Variants in GOLGA6D observed in about 807,000 individuals in gnomAD.
The protein encoded by GOLGA6D is golgin A6 family member D.
A neutral mutation model predicts 42.1 loss-of-function variants in GOLGA6D; 9 were observed. That is an observed-to-expected ratio of 0.21 (90% CI 0.13 to 0.37). The LOEUF (loss-of-function observed/expected upper bound fraction) is 0.37, where lower values mean the gene tolerates loss of function less well. Among genes scored for constraint, GOLGA6D ranks in the 10% least tolerant of loss-of-function variants. The pLI, the probability that GOLGA6D is intolerant of heterozygous loss-of-function variation, is 1.00. For missense variants in GOLGA6D, 87 were observed against 420.8 expected (o/e 0.21, Z 6.94); for synonymous variants, 39 against 167.3 (o/e 0.23, Z 5.92).
chr15:75,288,720 GGTGTGTGTGTGT>G lies in GOLGA6D; in HGVS notation c.564+377_564+388del, dbSNP rs59539121. ...ACCATTTCTGTAGAGAGAGGAAAGGGGTGTGTGTGTGTGTGTGTGTGTGTGTGTGTGTACTAT... is the reference window on the plus strand; with the variant it reads ...ACCATTTCTGTAGAGAGAGGAAAGGGGTGTGTGTGTGTGTGTGTGTACTAT... On this transcript the variant is annotated intron_variant, in intron 7 of 17. Transcript: ENST00000434739. Among the ~76,000 whole-genome samples, 5 of 116,172 alleles carry G rather than the reference GGTGTGTGTGTGT, an allele frequency of 4.3e-5. 1 individual carries two copies. The highest frequency in any genetic ancestry group is 1.4e-4 in the African/African-American group (4 of 28,962). 76.2% of individuals were successfully genotyped at this position (116,172 alleles called of 152,430 possible).
Position 75,294,372 on chromosome 15 carries a change from A to G in GOLGA6D, c.1979A>G (p.Asn660Ser), listed in dbSNP as rs775479930. Residue 660 changes from asparagine to serine, a missense_variant, in exon 18 of 18, where the codon AAC (asparagine) becomes AGC (serine). Transcript: ENST00000434739. ...GTTTTTTATGAAGTGAGCCTGGACA[A>G]CAACGTGGAGCCTGCACCAGGAGTG... is the stretch of plus-strand genomic sequence containing the variant. ...QDVFYEVSLD[N>S]NVEPAPGVAR... is the part of the protein sequence containing the mutation. The G allele has an allele frequency of 6.9e-6, 11 of 1,597,900 alleles. 2 individuals carry two copies. The highest frequency in any genetic ancestry group is 9.3e-6 in the Non-Finnish European group (11 of 1,177,784).
intron 2 of GOLGA6D, among the ~76,000 whole-genome samples, 181 bp downstream of exon 2, chr15:75,284,950 A>C (rs1421072548): frequency 7.2e-6 from 1 of 138,448 alleles, no homozygotes; most frequent in African/African-American, 3.0e-5. Flanking sequence ...CACATCTGTA[A>C]AATAGGGGTA....
chr15:75,277,727 T>G, the GOLGA6D span, among the ~76,000 whole-genome samples: 1 of 141,004 alleles, frequency 7.1e-6, no homozygotes, highest in South Asian at 2.2e-4. Context: ...GAGGCTGAGG[T>G]GGGAGGTCGA....
chr15:75,293,557 G>T (rs1423824241), intron 14 of GOLGA6D, among the ~76,000 whole-genome samples, 172 bp from the exon 15 acceptor site: 1 of 144,870 alleles, frequency 6.9e-6, no homozygotes, highest in Non-Finnish European at 1.5e-5. Flanking sequence ...AGAGGCAGAG[G>T]CCCCAGCCCC....
chr15:75,278,803 A>G (rs1287139604), upstream of GOLGA6D, among the ~76,000 whole-genome samples: 7 of 151,798 alleles, frequency 4.6e-5, no homozygotes, highest in African/African-American at 1.7e-4. Context: ...AGATGGTTGT[A>G]CTTGTCCACT....
At chr15:75,278,800 T>G (rs1406977276), upstream of GOLGA6D, among the ~76,000 whole-genome samples, 4 of 151,814 alleles carry the variant, frequency 2.6e-5, no homozygotes, top group Non-Finnish European at 5.9e-5. Flanking sequence ...CATAGATGGT[T>G]GTACTTGTCC....
At position 75,288,722 on chromosome 15, in the gene GOLGA6D, TG is replaced by T. The variant is rs1567171864; in HGVS notation, c.564+359del. Among the ~76,000 whole-genome samples the T allele has an allele frequency of 2.7e-4, 7 of 26,298 alleles. No homozygotes were observed. In the East Asian group the frequency reaches 6.3e-3, roughly 24 times the overall value. 17.3% of individuals were successfully genotyped at this position (26,298 alleles called of 152,430 possible). A position where few individuals can be genotyped will look rare whatever the true frequency, so the allele number is the denominator to read the frequency against. On this transcript the variant is annotated intron_variant, in intron 7 of 17. Transcript: ENST00000434739. The stretch of plus-strand genomic sequence containing the variant: ...CATTTCTGTAGAGAGAGGAAAGGGG[TG>T]TGTGTGTGTGTGTGTGTGTGTGTGT...
rs779936897 is a variant in GOLGA6D, at chr15:75,294,486, G to A, written c.*11G>A. 48 of 1,567,438 alleles carry A rather than the reference G, an allele frequency of 3.1e-5. 1 individual carries two copies. Among genetic ancestry groups the A allele is most frequent in the Non-Finnish European group, 3.6e-5 (42 of 1,164,076 alleles). On this transcript the variant is annotated 3_prime_UTR_variant, in exon 18 of 18. Transcript: ENST00000434739. ...ATGCAGGACACCTAGGAGCACCCAGGCTTGCCCAGCAAACCCTGCGTGCCA... is the reference window on the plus strand; with the variant it reads ...ATGCAGGACACCTAGGAGCACCCAGACTTGCCCAGCAAACCCTGCGTGCCA...
chr15:75,278,567 C>A (rs976674398), upstream of GOLGA6D, among the ~76,000 whole-genome samples: 1 of 151,384 alleles, frequency 6.6e-6, no homozygotes, highest in African/African-American at 2.5e-5. Context: ...ACAACATCCT[C>A]AACAGCTGGG....
upstream of GOLGA6D, among the ~76,000 whole-genome samples, chr15:75,278,196 AT>A (rs1235390282): frequency 4.0e-5 from 3 of 74,522 alleles, no homozygotes; most frequent in Admixed American, 1.9e-4. Flanking sequence ...CTGCCAGCAA[AT>A]TTTTTTCTTT....
upstream of GOLGA6D, among the ~76,000 whole-genome samples, chr15:75,278,765 G>A (rs2070836828): frequency 6.6e-6 from 1 of 151,860 alleles, no homozygotes; most frequent in African/African-American, 2.4e-5. Flanking sequence ...TCCAGTCTGG[G>A]GGAGGGAAAA....
the GOLGA6D span, among the ~76,000 whole-genome samples, chr15:75,276,387 C>G: frequency 6.6e-6 from 1 of 150,714 alleles, no homozygotes; most frequent in Non-Finnish European, 1.5e-5. Context: ...ACAGGCCATG[C>G]TAGCCCCAGG....
At chr15:75,276,138 G>A in the GOLGA6D span, among the ~76,000 whole-genome samples, 120 of 151,662 alleles carry the variant, frequency 7.9e-4, no homozygotes, top group African/African-American at 2.8e-3. Context: ...TGGGCTGGAG[G>A]TGTGTCTTGA....
chr15:75,293,672 TG>T, intron 14 of GOLGA6D, 56 bp from the exon 15 acceptor site: 2 of 1,120,448 alleles, frequency 1.8e-6, no homozygotes, highest in Non-Finnish European at 2.6e-6. Flanking sequence ...CCAAGAAAAG[TG>T]GGGGCGGGGC....
At chr15:75,277,791 C>A in the GOLGA6D span, among the ~76,000 whole-genome samples, 1 of 148,180 alleles carries the variant, frequency 6.7e-6, no homozygotes, top group Non-Finnish European at 1.5e-5. Flanking sequence ...GACAGAGTGA[C>A]ACCCTGTCTT....
At chr15:75,278,104 A>C (rs2070832796), upstream of GOLGA6D, among the ~76,000 whole-genome samples, 1 of 110,344 alleles carries the variant, frequency 9.1e-6, no homozygotes, top group Admixed American at 1.0e-4. Flanking sequence ...TCCTGAGATG[A>C]AGAGTTTCAC....
Position 75,294,251 on chromosome 15 carries a change from T to G in GOLGA6D, c.1944T>G (p.Gly648=). The change falls in exon 17 of 18, where the codon GGT becomes GGG. Residue 648 remains glycine (G), a synonymous_variant. Transcript: ENST00000434739. ...APAPQELGAA[G]EQDVFYEVSL... is the part of the protein sequence containing the mutation. ...CCCCCCAGGAACTTGGGGCTGCCGGTGAGCAGGATGGTGAGTAGAGCTCTC... is the reference window on the plus strand; with the variant it reads ...CCCCCCAGGAACTTGGGGCTGCCGGGGAGCAGGATGGTGAGTAGAGCTCTC... 1 of 1,446,404 alleles carries G rather than the reference T, an allele frequency of 6.9e-7. No individual in the cohort carries two copies. The highest frequency in any genetic ancestry group is 9.1e-7 in the Non-Finnish European group (1 of 1,093,260). The allele number at this position is 1,446,404 out of a possible 1,614,324, so 89.6% of individuals were successfully genotyped here.
upstream of GOLGA6D, among the ~76,000 whole-genome samples, chr15:75,278,742 A>G (rs1301301791): frequency 6.6e-6 from 1 of 151,874 alleles, no homozygotes; most frequent in Non-Finnish European, 1.5e-5. Context: ...TAGAAAGTTG[A>G]GAGATTCCCT....
upstream of GOLGA6D, among the ~76,000 whole-genome samples, chr15:75,278,701 G>C (rs2070836389): frequency 6.6e-6 from 1 of 151,818 alleles, no homozygotes; most frequent in Non-Finnish European, 1.5e-5. Flanking sequence ...CTTTAATACT[G>C]TTCAGCTTTG....
Sources: gnomAD v4.1 joint callset for allele counts (sites outside exome capture counted in the v4.1 genomes callset) on GRCh38, gnomAD v4.1.1 for gene constraint, MANE v1.5 for transcripts, NCBI Gene and HGNC (gene_info 2026-07-23, HGNC 2026-07-21) for gene names.